The following PRPF6 variants were observed in gnomAD, a reference collection of about 807,000 sequenced individuals.
The protein encoded by PRPF6 is pre-mRNA processing factor 6.
PRPF6 carries 42 observed loss-of-function variants against 118.3 expected under a neutral mutation model. The ratio of observed to expected loss-of-function variants is 0.35; its 90% CI spans 0.28 to 0.46. The LOEUF is 0.46. Ranked by LOEUF, PRPF6 falls within the 20% of genes least tolerant of loss-of-function variation. The probability of loss-of-function intolerance (pLI) is 1.00; values close to 1 mark genes in which losing one functional copy is unlikely to be tolerated. For synonymous variants in PRPF6, 481 were observed against 485.1 expected, an observed-to-expected ratio of 0.99 and a Z score of 0.11; for missense variants, 662 against 1,255.7, an observed-to-expected ratio of 0.53 and a Z score of 7.15.
At chr20:63,999,180 T>A (rs2059154566) in intron 7 of PRPF6, 41 bp downstream of exon 7, 4 of 1,543,826 alleles carry the variant, frequency 2.6e-6, no homozygotes, top group African/African-American at 2.7e-5. Flanking sequence ...ATGGAGACTC[T>A]AGTTGCCTAG....
rs772970064 is a variant in PRPF6, at chr20:64,022,752, T to C, written c.1648-5T>C. 1.9e-5 allele frequency: 30 copies of C among 1,614,028 alleles called. No individual in the cohort carries two copies. Among genetic ancestry groups the C allele is most frequent in the Non-Finnish European group, 2.5e-5 (30 of 1,179,992 alleles). The stretch of plus-strand genomic sequence containing the variant: ...TGCCCATTCTCATGTCTCTCTCTGC[T>C]CTAGTGTGTAGCCCACAATGCCCTG... On this transcript the variant is annotated splice_polypyrimidine_tract_variant and splice_region_variant and intron_variant, in intron 12 of 20. Transcript: ENST00000266079.
intron 11 of PRPF6, among the ~76,000 whole-genome samples, chr20:64,013,843 A>G (rs1377476713): frequency 6.6e-6 from 1 of 152,182 alleles, no homozygotes; most frequent in Non-Finnish European, 1.5e-5. Flanking sequence ...CGCTATCACC[A>G]CAATCCTAGA....
chr20:64,010,762 GATT>G (rs966757406), intron 10 of PRPF6, among the ~76,000 whole-genome samples: 2 of 152,178 alleles, frequency 1.3e-5, no homozygotes, highest in Non-Finnish European at 2.9e-5. Context: ...TCTGTGCAGT[GATT>G]TTTAGTCTTG....
chr20:64,014,882 T>C (rs2059230316), intron 11 of PRPF6, among the ~76,000 whole-genome samples: 2 of 152,200 alleles, frequency 1.3e-5, no homozygotes. Flanking sequence ...AAAGTATTGC[T>C]TCTACTGAGC....
chr20:64,022,913 A>G, intron 13 of PRPF6, 35 bp downstream of exon 13: 1 of 1,613,656 alleles, frequency 6.2e-7, no homozygotes, highest in Non-Finnish European at 8.5e-7. Flanking sequence ...AAGGGTGCTA[A>G]TGAAACCTCC....
intron 12 of PRPF6, among the ~76,000 whole-genome samples, chr20:64,018,707 C>A (rs552187269): frequency 9.9e-5 from 15 of 152,130 alleles, no homozygotes; most frequent in African/African-American, 2.9e-4. Context: ...CTCAAGTGAT[C>A]CCACCTCAGC....
At chr20:64,002,561 C>T (rs2059172416) in intron 9 of PRPF6, among the ~76,000 whole-genome samples, 1 of 151,824 alleles carries the variant, frequency 6.6e-6, no homozygotes. Context: ...GTCTCAAACT[C>T]CTGACCACAA....
intron 3 of PRPF6, among the ~76,000 whole-genome samples, chr20:63,987,197 G>A (rs1222345951): frequency 6.7e-6 from 1 of 149,564 alleles, no homozygotes; most frequent in African/African-American, 2.5e-5. Flanking sequence ...AAAGGGGGGG[G>A]GAGCATAACA....
At chr20:63,995,990 A>G (rs887165226) in intron 6 of PRPF6, among the ~76,000 whole-genome samples, 16 of 152,082 alleles carry the variant, frequency 1.1e-4, no homozygotes, top group South Asian at 2.1e-4. Flanking sequence ...ATTTTTTAAA[A>G]AGTGTGTTTT....
At chr20:63,993,909 C>T (rs2123002501) in intron 4 of PRPF6, among the ~76,000 whole-genome samples, 1 of 151,784 alleles carries the variant, frequency 6.6e-6, no homozygotes, top group Admixed American at 6.6e-5. Context: ...GCCACCATAC[C>T]CAGCTAATTT....
Position 64,028,232 on chromosome 20 carries a change from G to A in PRPF6, c.2340-246G>A, listed in dbSNP as rs1224140936. 6.6e-6 allele frequency among the ~76,000 whole-genome samples: 1 copy of A among 152,238 alleles called. No individual in the cohort carries two copies. The highest frequency in any genetic ancestry group is 2.4e-5 in the African/African-American group (1 of 41,472). Reference sequence around the variant, plus strand: ...CAGTCTGGTCTTGTTTGTTCTGGATGCCTTCACCTGCATCTGGACAGCGTC... The same window carrying A: ...CAGTCTGGTCTTGTTTGTTCTGGATACCTTCACCTGCATCTGGACAGCGTC... On this transcript the variant is annotated intron_variant, in intron 17 of 20. Transcript: ENST00000266079. This position sits in a 1 kb window ranked among gnomAD's most constrained non-coding sequence, Gnocchi z 6.5.
At position 63,981,325 on chromosome 20, in the gene PRPF6, T is replaced by C; in HGVS notation, c.71+9T>C. ...CCGGGGCTGGGCCGGGGGTGAGGCC[T>C]GGGGCGGCGCGCGAGGGGCGGGGAC... On this transcript the variant is annotated intron_variant, in intron 1 of 20. Coordinates refer to ENST00000266079, the MANE Select transcript of PRPF6 (RefSeq NM_012469.4). 1.3e-6 allele frequency: 2 copies of C among 1,576,152 alleles called. No homozygotes were observed. Among genetic ancestry groups the C allele is most frequent in the Non-Finnish European group, 1.7e-6 (2 of 1,160,690 alleles).
At chr20:63,988,383 G>C (rs2059104302) in intron 3 of PRPF6, among the ~76,000 whole-genome samples, 1 of 150,928 alleles carries the variant, frequency 6.6e-6, no homozygotes, top group Non-Finnish European at 1.5e-5. Flanking sequence ...TGTAGTCCCA[G>C]CTAGTTGGGA....
rs771818282 is a variant in PRPF6 at position 63,999,621 on chromosome 20, A to G, written c.885A>G (p.Arg295=). ...CTCATAGTGATATCAAGAAGGCGCGACTGCTCCTCAAGTCTGTTCGGGAGA... is the reference window on the plus strand; with the variant it reads ...CTCATAGTGATATCAAGAAGGCGCGGCTGCTCCTCAAGTCTGTTCGGGAGA... ...GGDINDIKKA[R]LLLKSVRETN... Residue 295 remains arginine (R), a synonymous_variant, in exon 8 of 21, where the codon CGA becomes CGG. Transcript: ENST00000266079. 1 of 1,614,182 alleles carries G rather than the reference A, an allele frequency of 6.2e-7. No individual in the cohort carries two copies.
chr20:64,016,135 T>C (rs926209441), intron 11 of PRPF6, among the ~76,000 whole-genome samples: 8 of 151,888 alleles, frequency 5.3e-5, no homozygotes, highest in South Asian at 2.1e-4. Context: ...TTTTTTTTTT[T>C]TTCTGAGACG....
rs1225125319 is a variant in PRPF6, at chr20:64,027,385, C to T, written c.2206-218C>T. ...GCTCAGAAGTGCAGAGTGTGGCACA[C>T]CTGCAGTAAAGGCTGGTACGTACAG... On this transcript the variant is annotated intron_variant, in intron 16 of 20. Transcript: ENST00000266079. This position sits in a 1 kb window ranked among gnomAD's most constrained non-coding sequence, Gnocchi z 6.5. Among the ~76,000 whole-genome samples the T allele has an allele frequency of 6.6e-6, 1 of 152,140 alleles. No individual in the cohort carries two copies. The highest frequency in any genetic ancestry group is 1.9e-4 in the East Asian group (1 of 5,200).
chr20:63,999,972 G>T lies in PRPF6; in HGVS notation c.1023+213G>T, dbSNP rs532666323. Among the ~76,000 whole-genome samples the T allele has an allele frequency of 1.6e-3, 238 of 147,340 alleles. 1 individual carries two copies. Among genetic ancestry groups the T allele is most frequent in the African/African-American group, 5.7e-3 (225 of 39,780 alleles). On this transcript the variant is annotated intron_variant, in intron 8 of 20. Transcript: ENST00000266079. ...ATCCACCACTTTTTTTTTTTTTGGA[G>T]ACGGAGTCTCGCTCTGTCACCCAGG...
At chr20:64,024,203 C>T (rs1046882163) in intron 13 of PRPF6, among the ~76,000 whole-genome samples, 3 of 152,222 alleles carry the variant, frequency 2.0e-5, no homozygotes, top group African/African-American at 2.4e-5. Context: ...GTCCGGGGTG[C>T]GCTTGTGCTC....
intron 9 of PRPF6, among the ~76,000 whole-genome samples, chr20:64,005,565 T>G (rs1402089583): frequency 2.0e-5 from 3 of 152,088 alleles, no homozygotes; most frequent in Non-Finnish European, 2.9e-5. Flanking sequence ...GTTCTTGACC[T>G]GGATGAGTAA....
Sources: allele counts gnomAD v4.1 joint callset (sites outside exome capture counted in the v4.1 genomes callset), GRCh38; gene constraint gnomAD v4.1.1; non-coding constraint Gnocchi (gnomAD v3.1); transcripts MANE v1.5; gene names NCBI Gene and HGNC (gene_info 2026-07-23, HGNC 2026-07-21).